Variants in ADGRL3 observed in about 807,000 individuals in gnomAD.
ADGRL3 encodes the protein adhesion G protein-coupled receptor L3, also known as calcium-independent alpha-latrotoxin receptor 3.
ADGRL3 carries 62 observed loss-of-function variants against 153.5 expected under a neutral mutation model. The observed-to-expected ratio is 0.40, with a 90% CI of 0.33 to 0.50. The LOEUF (loss-of-function observed/expected upper bound fraction) is 0.50. Among genes scored for constraint, ADGRL3 ranks in the 20% least tolerant of loss-of-function variants. The pLI, the probability that ADGRL3 is intolerant of heterozygous loss-of-function variation, is 0.47. For synonymous variants in ADGRL3, 710 were observed against 672.5 expected (o/e 1.06, Z -0.86); for missense variants, 1,641 against 1,859.4 (o/e 0.88, Z 2.16).
chr4:61,998,257 T>A lies in ADGRL3; in HGVS notation c.3387T>A (p.Asp1129Glu), dbSNP rs2099128538. Residue 1129 changes from aspartate (D) to glutamate (E), a missense_variant, in exon 21 of 27, where the codon GAT (aspartate) becomes GAA (glutamate). This residue lies in a region of ADGRL3 where 517 missense variants were observed against 555.0 expected (regional missense o/e 0.93). Coordinates refer to ENST00000683033, the MANE Select transcript of ADGRL3 (RefSeq NM_001387552.1). ...TGAAACCTGAATCAGGCTGTCTTGA[T>A]AACATCAAGTAAGTGATTTTTATTT... is the stretch of plus-strand genomic sequence containing the variant. ...AILKPESGCL[D>E]NINYEDNRPF... 3 of 1,534,178 alleles carry A rather than the reference T, an allele frequency of 2.0e-6. No individual in the cohort carries two copies. Among genetic ancestry groups the A allele is most frequent in the Non-Finnish European group, 2.6e-6 (3 of 1,134,156 alleles).
At chr4:61,862,716 A>G (rs1173278582) in intron 9 of ADGRL3, among the ~76,000 whole-genome samples, 1 of 152,138 alleles carries the variant, frequency 6.6e-6, no homozygotes, top group East Asian at 1.9e-4. Context: ...CTCCAGATTC[A>G]TGGTCTCTAT....
At position 61,697,228 on chromosome 4, in the gene ADGRL3, G is replaced by A. The variant is rs372937551; in HGVS notation, c.583+20293G>A. Among the ~76,000 whole-genome samples, 25 of 152,102 alleles carry A rather than the reference G, an allele frequency of 1.6e-4. 1 individual carries two copies. The highest frequency in any genetic ancestry group is 6.0e-4 in the African/African-American group (25 of 41,496). ...AAAATCCAAAAATATGACATATCAG[G>A]TTTTATAGTAGTAAAGACAAATATT... On this transcript the variant is annotated intron_variant, in intron 6 of 26. Transcript: ENST00000683033.
rs549701383 is a variant in ADGRL3, at chr4:61,370,321, T to G, written c.-239-12803T>G. On this transcript the variant is annotated intron_variant, in intron 1 of 26. Transcript: ENST00000683033. ...TTTCTAGTTCTTTTAATTGTGATGT[T>G]AGGGTGTCAATTTTGGATCTTTCCT... 4.8e-3 allele frequency among the ~76,000 whole-genome samples: 722 copies of G among 151,726 alleles called. 9 individuals are homozygous for G. The highest frequency in any genetic ancestry group is 0.017 in the African/African-American group (692 of 41,276).
At chr4:61,829,532 C>T (rs1561318588) in intron 9 of ADGRL3, among the ~76,000 whole-genome samples, 1 of 151,966 alleles carries the variant, frequency 6.6e-6, no homozygotes, top group Non-Finnish European at 1.5e-5. Context: ...TTTCGTTTAC[C>T]AATGAATTTC....
chr4:61,694,990 C>T (rs1272064954), intron 6 of ADGRL3, among the ~76,000 whole-genome samples: 1 of 152,176 alleles, frequency 6.6e-6, no homozygotes, highest in Non-Finnish European at 1.5e-5. Context: ...TCAGTCACAT[C>T]TTCAGGCTCC....
At chr4:61,323,978 G>A (rs1359579382) in intron 1 of ADGRL3, among the ~76,000 whole-genome samples, 1 of 152,204 alleles carries the variant, frequency 6.6e-6, no homozygotes. Context: ...TCATGTGGCT[G>A]AGGAGGCCTC....
intron 2 of ADGRL3, among the ~76,000 whole-genome samples, chr4:61,409,684 C>A (rs769228311): frequency 6.6e-6 from 1 of 151,406 alleles, no homozygotes; most frequent in African/African-American, 2.4e-5. Context: ...AAAAATAATA[C>A]GATCATAAGC....
chr4:61,605,406 G>C (rs1463759824), intron 5 of ADGRL3, among the ~76,000 whole-genome samples: 1 of 152,070 alleles, frequency 6.6e-6, no homozygotes, highest in East Asian at 1.9e-4. Flanking sequence ...GAGAGAACTT[G>C]ACATTTCATA....
At chr4:61,964,477 G>A (rs1474386112) in intron 17 of ADGRL3, among the ~76,000 whole-genome samples, 2 of 152,050 alleles carry the variant, frequency 1.3e-5, no homozygotes, top group South Asian at 2.1e-4. Context: ...GTTTAGGCCA[G>A]TGCTTTGCCT....
At chr4:61,477,320 G>A (rs1424177770) in intron 2 of ADGRL3, among the ~76,000 whole-genome samples, 5 of 151,820 alleles carry the variant, frequency 3.3e-5, no homozygotes, top group Non-Finnish European at 7.4e-5. Context: ...TTAAGCTATG[G>A]TAGCATTTAG....
At chr4:61,217,793 T>C (rs1394952) in intron 1 of ADGRL3, among the ~76,000 whole-genome samples, 91,685 of 151,784 alleles carry the variant, frequency 0.6, 28,328 homozygotes, top group Middle Eastern at 0.69. Context: ...ACCCTTATTT[T>C]TTCCCATCCC....
intron 1 of ADGRL3, among the ~76,000 whole-genome samples, chr4:61,331,696 G>A (rs1375307551): frequency 3.9e-5 from 6 of 151,916 alleles, no homozygotes; most frequent in African/African-American, 1.4e-4. Context: ...TAGAATTTTG[G>A]ATTTAAAGAA....
Position 62,070,340 on chromosome 4 carries a change from A to G in ADGRL3, c.4064A>G (p.Gln1355Arg). ...YLNNHERSSE[Q>R]NRNLMNKLVN... Reference sequence around the variant, plus strand: ...AACAACCATGAGCGCTCCAGTGAACAGAACAGGAATCTGATGAACAAGCTG... The same window carrying G: ...AACAACCATGAGCGCTCCAGTGAACGGAACAGGAATCTGATGAACAAGCTG... Residue 1355 changes from glutamine (Q) to arginine (R), a missense_variant, in exon 27 of 27, where the codon CAG becomes CGG. Coordinates refer to ENST00000683033, the MANE Select transcript of ADGRL3 (RefSeq NM_001387552.1). The G allele has an allele frequency of 1.3e-6, 2 of 1,552,784 alleles. No individual in the cohort carries two copies. The highest frequency in any genetic ancestry group is 1.7e-6 in the Non-Finnish European group (2 of 1,147,352).
At position 61,371,045 on chromosome 4, in the gene ADGRL3, A is replaced by C. The variant is rs969819387; in HGVS notation, c.-239-12079A>C. ...AAAATCTGTTTTATCAGAGACTAGG[A>C]TTGCAACCCCTGCCTTTTTTTGTTT... On this transcript the variant is annotated intron_variant, in intron 1 of 26. Transcript: ENST00000683033. Among the ~76,000 whole-genome samples the C allele has an allele frequency of 8.6e-4, 130 of 151,126 alleles. 1 individual carries two copies. Among genetic ancestry groups the C allele is most frequent in the Admixed American group, 1.1e-3 (16 of 15,192 alleles).
At chr4:61,645,213 C>A in intron 5 of ADGRL3, among the ~76,000 whole-genome samples, 1 of 152,134 alleles carries the variant, frequency 6.6e-6, no homozygotes, top group Non-Finnish European at 1.5e-5. Context: ...GAATACAGCA[C>A]ACTGATGGGT....
chr4:62,066,529 C>G (rs1042332280), intron 25 of ADGRL3, among the ~76,000 whole-genome samples: 3 of 151,998 alleles, frequency 2.0e-5, no homozygotes, highest in Non-Finnish European at 4.4e-5. Context: ...CAGAGTACTT[C>G]TGGACCATTA....
At chr4:61,871,360 C>G (rs1419946566) in intron 9 of ADGRL3, among the ~76,000 whole-genome samples, 1 of 151,634 alleles carries the variant, frequency 6.6e-6, no homozygotes, top group East Asian at 1.9e-4. Flanking sequence ...ATCTGAATTT[C>G]CAGCAACAGA....
chr4:61,303,048 T>C (rs927822195), intron 1 of ADGRL3, among the ~76,000 whole-genome samples: 3 of 152,166 alleles, frequency 2.0e-5, no homozygotes, highest in African/African-American at 7.2e-5. Context: ...ATAGACATCA[T>C]TGACACCTCC....
intron 9 of ADGRL3, among the ~76,000 whole-genome samples, chr4:61,843,385 AG>A (rs1219857954): frequency 3.0e-4 from 45 of 152,260 alleles, no homozygotes; most frequent in Admixed American, 1.0e-3. Context: ...TCTAGCAGCT[AG>A]GTGTGTCTTG....
Sources: allele counts gnomAD v4.1 joint callset (sites outside exome capture counted in the v4.1 genomes callset), GRCh38; gene constraint gnomAD v4.1.1; regional missense constraint gnomAD v4.1.1; transcripts MANE v1.5; gene names NCBI Gene and HGNC (gene_info 2026-07-23, HGNC 2026-07-21).